Variants in RANBP2 observed in about 807,000 individuals in gnomAD.
The protein encoded by RANBP2 is RAN binding protein 2.
In RANBP2, 57 loss-of-function variants were observed where a neutral mutation model predicts 303.6. The observed-to-expected ratio is 0.19, with a 90% CI of 0.15 to 0.23. The LOEUF is 0.23. Among genes scored for constraint, RANBP2 ranks in the 10% least tolerant of loss-of-function variants. The pLI, the probability that RANBP2 is intolerant of heterozygous loss-of-function variation, is 1.00. For missense variants in RANBP2, 3,138 were observed against 3,780.8 expected, an observed-to-expected ratio of 0.83 and a Z score of 4.46; for synonymous variants, 1,167 against 1,301.5, an observed-to-expected ratio of 0.90 and a Z score of 2.23.
chr2:109,696,166 T>G, the RANBP2 span, among the ~76,000 whole-genome samples: 9 of 152,140 alleles, frequency 5.9e-5, no homozygotes, highest in South Asian at 1.2e-3. Context: ...GGTTTCACCA[T>G]GTTGGCCTGG....
the RANBP2 span, chr2:109,432,696 G>A: frequency 6.2e-7 from 1 of 1,601,400 alleles, no homozygotes; most frequent in Non-Finnish European, 8.5e-7. Flanking sequence ...GTGGCAGCCT[G>A]GGCAAGGAGA....
the RANBP2 span, among the ~76,000 whole-genome samples, chr2:109,439,971 A>T: frequency 6.6e-6 from 1 of 152,194 alleles, no homozygotes; most frequent in African/African-American, 2.4e-5. Flanking sequence ...AGTAGGGCAT[A>T]TGGAAAGTTT....
At chr2:109,020,254 G>A in the RANBP2 span, among the ~76,000 whole-genome samples, 1 of 152,148 alleles carries the variant, frequency 6.6e-6, no homozygotes. Flanking sequence ...AGCAGAGACA[G>A]TTTCCAGCTC....
the RANBP2 span, among the ~76,000 whole-genome samples, chr2:109,249,112 T>A: frequency 1.3e-5 from 2 of 152,170 alleles, no homozygotes; most frequent in Non-Finnish European, 2.9e-5. Context: ...AACTCCTGGC[T>A]TCAAGCAATT....
chr2:109,620,200 T>C, the RANBP2 span, among the ~76,000 whole-genome samples: 1 of 152,240 alleles, frequency 6.6e-6, no homozygotes. Flanking sequence ...TATTTTATAA[T>C]GTTACATAAT....
At chr2:108,758,220 C>G (rs1405889260) in intron 17 of RANBP2, among the ~76,000 whole-genome samples, 193 bp from the exon 18 acceptor site, 3 of 151,524 alleles carry the variant, frequency 2.0e-5, no homozygotes, top group Non-Finnish European at 4.4e-5. Flanking sequence ...TTGCTTGAGC[C>G]CAGGAGGTGG....
chr2:108,806,986 T>G, the RANBP2 span, among the ~76,000 whole-genome samples: 87 of 152,328 alleles, frequency 5.7e-4, 2 homozygotes, highest in South Asian at 1.0e-3. Flanking sequence ...AACTGAAACC[T>G]GGCCTTGATT....
At chr2:108,982,438 G>T in the RANBP2 span, among the ~76,000 whole-genome samples, 3 of 152,246 alleles carry the variant, frequency 2.0e-5, 1 homozygote, top group East Asian at 5.8e-4. Context: ...AAGAACTAGG[G>T]ACATTGGCGT....
At chr2:109,315,860 C>A in the RANBP2 span, among the ~76,000 whole-genome samples, 1 of 152,202 alleles carries the variant, frequency 6.6e-6, no homozygotes, top group Non-Finnish European at 1.5e-5. Context: ...AGGACGTGAT[C>A]TAGGCATCAA....
chr2:109,383,577 G>A, the RANBP2 span, among the ~76,000 whole-genome samples: 5 of 152,066 alleles, frequency 3.3e-5, no homozygotes, highest in African/African-American at 9.7e-5. Flanking sequence ...TTTAAGATTC[G>A]GGTCCGGGAA....
At chr2:109,105,263 C>T in the RANBP2 span, among the ~76,000 whole-genome samples, 1 of 152,198 alleles carries the variant, frequency 6.6e-6, no homozygotes, top group South Asian at 2.1e-4. Context: ...TATGACCTTC[C>T]TCTAGGAACA....
the RANBP2 span, among the ~76,000 whole-genome samples, chr2:108,963,289 A>G: frequency 2.0e-5 from 3 of 152,238 alleles, no homozygotes; most frequent in Non-Finnish European, 4.4e-5. Flanking sequence ...ACACACTGTT[A>G]AACTGTTCAT....
At chr2:109,025,505 A>G in the RANBP2 span, among the ~76,000 whole-genome samples, 1 of 152,238 alleles carries the variant, frequency 6.6e-6, no homozygotes, top group African/African-American at 2.4e-5. Flanking sequence ...GAAAAAGTCC[A>G]TTATAAAAAA....
intron 1 of RANBP2, among the ~76,000 whole-genome samples, chr2:108,720,349 C>T (rs956174945): frequency 2.0e-5 from 3 of 147,548 alleles, no homozygotes; most frequent in African/African-American, 8.0e-5. Context: ...TTGGTAGCTG[C>T]CTTTGCTTAA....
the RANBP2 span, among the ~76,000 whole-genome samples, chr2:109,213,313 T>C: frequency 5.9e-5 from 9 of 152,316 alleles, no homozygotes; most frequent in Middle Eastern, 3.4e-3. Flanking sequence ...AGCATAAGGC[T>C]ATGTGTACGC....
At chr2:109,094,481 T>G in the RANBP2 span, among the ~76,000 whole-genome samples, 1 of 152,240 alleles carries the variant, frequency 6.6e-6, no homozygotes, top group Middle Eastern at 3.4e-3. Flanking sequence ...ATGAGAAATC[T>G]TACAACTACT....
At chr2:108,807,792 A>AT in the RANBP2 span, among the ~76,000 whole-genome samples, 80 of 152,080 alleles carry the variant, frequency 5.3e-4, 1 homozygote, top group Middle Eastern at 6.8e-3. Context: ...TAATTTTTGT[A>AT]TTTTTAGTAG....
chr2:109,354,292 C>T, the RANBP2 span, among the ~76,000 whole-genome samples: 1 of 152,212 alleles, frequency 6.6e-6, no homozygotes, highest in Non-Finnish European at 1.5e-5. Context: ...CATCACCCTG[C>T]AGGCCCAGAG....
Position 108,773,047 on chromosome 2 carries a change from G to T in RANBP2, c.8292+1G>T. 1 of 1,608,134 alleles carries T rather than the reference G, an allele frequency of 6.2e-7. No individual in the cohort carries two copies. The highest frequency in any genetic ancestry group is 8.5e-7 in the Non-Finnish European group (1 of 1,176,194). The stretch of plus-strand genomic sequence containing the variant: ...GCTTCAAAAAGTTCAGGAAGCTCAA[G>T]TAAGAACATCTCTAATAAATTTTCC... On this transcript the variant is annotated splice_donor_variant, in intron 23 of 28. Transcript: ENST00000283195. LOFTEE classifies it high-confidence loss of function.
Sources: gnomAD v4.1 joint callset for allele counts (sites outside exome capture counted in the v4.1 genomes callset) on GRCh38, gnomAD v4.1.1 for gene constraint, MANE v1.5 for transcripts, NCBI Gene and HGNC (gene_info 2026-07-23, HGNC 2026-07-21) for gene names.